Variants in FGFR1 observed in about 807,000 individuals in gnomAD.
The protein encoded by FGFR1 is fibroblast growth factor receptor 1.
In FGFR1, 18 loss-of-function variants were observed where a neutral mutation model predicts 93.7. The observed-to-expected ratio is 0.19, with a 90% confidence interval of 0.13 to 0.28. The LOEUF (loss-of-function observed/expected upper bound fraction) is 0.28. FGFR1 is among the 10% of genes least tolerant of loss of function. The pLI is 1.00. For synonymous variants in FGFR1, 448 were observed against 429.3 expected (o/e 1.04, Z -0.54); for missense variants, 731 against 1,080.4 (o/e 0.68, Z 4.53).
At chr8:38,463,897 T>C (rs1295197847) in intron 1 of FGFR1, among the ~76,000 whole-genome samples, 1 of 151,980 alleles carries the variant, frequency 6.6e-6, no homozygotes, top group Non-Finnish European at 1.5e-5. Context: ...AATAAACATA[T>C]GGAGAAAGTT....
intron 8 of FGFR1, chr8:38,420,105 G>A (rs1686674354): frequency 3.4e-6 from 1 of 298,374 alleles, no homozygotes. Flanking sequence ...GTCTCCTCAG[G>A]GAGCCATGGC....
chr8:38,439,595 G>A (rs773284953), intron 2 of FGFR1, among the ~76,000 whole-genome samples: 2 of 152,154 alleles, frequency 1.3e-5, no homozygotes, highest in Non-Finnish European at 2.9e-5. Flanking sequence ...CAGCTGGTCT[G>A]GAGCCTCTCA....
Position 38,421,912 on chromosome 8 carries a change from C to G in FGFR1, c.966G>C (p.Glu322Asp). Residue 322 changes from glutamate to aspartate, a missense_variant, in exon 8 of 18, where the codon GAG becomes GAC. Coordinates refer to ENST00000447712, the MANE Select transcript of FGFR1 (RefSeq NM_023110.3). ...CATTTCTTAAGTGAAGCACCTCCAT[C>G]TCTTTGTCGGTGGTATTAACTCCAG... ...KTAGVNTTDK[E>D]MEVLHLRNVS... is the part of the protein sequence containing the mutation. 3 of 1,614,176 alleles carry G rather than the reference C, an allele frequency of 1.9e-6. No individual in the cohort carries two copies. Among genetic ancestry groups the G allele is most frequent in the Non-Finnish European group, 2.5e-6 (3 of 1,180,030 alleles).
At chr8:38,449,395 G>GA (rs926379024) in intron 2 of FGFR1, among the ~76,000 whole-genome samples, 3 of 151,878 alleles carry the variant, frequency 2.0e-5, no homozygotes, top group Non-Finnish European at 2.9e-5. Flanking sequence ...ATGAATGAGT[G>GA]AAAAAAAATC....
intron 2 of FGFR1, among the ~76,000 whole-genome samples, chr8:38,437,291 A>G (rs1825781659): frequency 6.6e-6 from 1 of 152,152 alleles, no homozygotes; most frequent in Admixed American, 6.5e-5. Flanking sequence ...CATAGCTACC[A>G]TTAGGTGACT....
intron 9 of FGFR1, among the ~76,000 whole-genome samples, chr8:38,419,033 C>T (rs1426688101): frequency 6.6e-6 from 1 of 152,214 alleles, no homozygotes; most frequent in South Asian, 2.1e-4. Flanking sequence ...AAGCTCTCTT[C>T]TCGTCTGCCG....
Position 38,426,274 on chromosome 8 carries a change from GAGGGT to G in FGFR1, c.622-34_622-30del. 6.2e-7 allele frequency: 1 copy of G among 1,613,470 alleles called. No individual in the cohort carries two copies. The highest frequency in any genetic ancestry group is 1.7e-5 in the Admixed American group (1 of 60,024). On this transcript the variant is annotated intron_variant, in intron 5 of 17. Coordinates refer to ENST00000447712, the MANE Select transcript of FGFR1 (RefSeq NM_023110.3). The surrounding 1 kb of genome is among the most constrained non-coding windows in gnomAD (Gnocchi z 4.1). ...AGGGGAAATGCCAAAGGGATACATT[GAGGGT>G]CCAGAGGAAAATGCAGGCCCCATGA...
intron 2 of FGFR1, chr8:38,434,326 CTGCTTTTTTTT>C (rs1312459750): frequency 1.6e-5 from 3 of 185,128 alleles, no homozygotes; most frequent in East Asian, 2.8e-4. Context: ...CATATTGCTG[CTGCTTTTTTTT>C]TTTTTTTTTA....
intron 15 of FGFR1, 73 bp downstream of exon 15, chr8:38,414,486 G>C (rs189541149): frequency 8.3e-6 from 13 of 1,570,786 alleles, no homozygotes; most frequent in Non-Finnish European, 1.1e-5. Context: ...TCAGTCCAGG[G>C]AGAAAGCAGG....
chr8:38,413,941 T>G lies in FGFR1; in HGVS notation c.2269A>C (p.Ile757Leu), dbSNP rs2150519694. ...FKQLVEDLDRIVALTSNQEYL... is the reference protein window; with the variant it reads ...FKQLVEDLDRLVALTSNQEYL... ...ACCTGGTTGGAGGTCAAGGCCACGA[T>G]GCGGTCCAGGTCTTCCACCAGCTGC... Residue 757 changes from isoleucine to leucine, a missense_variant, in exon 17 of 18, where the codon ATC becomes CTC. Physicochemically the swap from Ile to Leu is conservative, Grantham distance 5. Transcript: ENST00000447712. The surrounding 1 kb of genome is among the most constrained non-coding windows in gnomAD (Gnocchi z 4.2). 1 of 1,614,056 alleles carries G rather than the reference T, an allele frequency of 6.2e-7. No homozygotes were observed. Among genetic ancestry groups the G allele is most frequent in the African/African-American group, 1.3e-5 (1 of 75,028 alleles).
At chr8:38,416,280 G>C (rs189537863) in intron 12 of FGFR1, among the ~76,000 whole-genome samples, 43 of 152,152 alleles carry the variant, frequency 2.8e-4, no homozygotes, top group Admixed American at 2.3e-3. Context: ...TGGGGTAAGA[G>C]CCCCAGTTTG....
intron 2 of FGFR1, among the ~76,000 whole-genome samples, chr8:38,450,264 C>T (rs1354804965): frequency 1.3e-5 from 2 of 152,170 alleles, no homozygotes; most frequent in Non-Finnish European, 2.9e-5. Flanking sequence ...TGGGCCGCCC[C>T]GTTCAGGAGC....
In FGFR1 at chr8:38,428,012, T is replaced by C. The variant is rs2150914780; in HGVS notation, c.530A>G (p.Lys177Arg). ...AVPAAKTVKFKCPSSGTPNPT... is the reference protein window; with the variant it reads ...AVPAAKTVKFRCPSSGTPNPT... Reference sequence around the variant, plus strand: ...GTTTGGGGTCCCACTGGAAGGGCATTTGAACTTCACTGTCTTGGCAGCCGG... The same window carrying C: ...GTTTGGGGTCCCACTGGAAGGGCATCTGAACTTCACTGTCTTGGCAGCCGG... The change falls in exon 5 of 18, where the codon AAA (lysine) becomes AGA (arginine). Residue 177 changes from lysine to arginine, a missense_variant. Coordinates refer to ENST00000447712, the MANE Select transcript of FGFR1 (RefSeq NM_023110.3). 1 of 1,614,236 alleles carries C rather than the reference T, an allele frequency of 6.2e-7. No individual in the cohort carries two copies. Among genetic ancestry groups the C allele is most frequent in the Non-Finnish European group, 8.5e-7 (1 of 1,180,042 alleles).
intron 1 of FGFR1, among the ~76,000 whole-genome samples, chr8:38,458,306 T>A (rs1052274409): frequency 6.6e-6 from 1 of 152,048 alleles, no homozygotes; most frequent in African/African-American, 2.4e-5. Flanking sequence ...TTCGGGAGGC[T>A]AAGGTGGGCA....
At chr8:38,449,386 T>C (rs1830373875) in intron 2 of FGFR1, among the ~76,000 whole-genome samples, 1 of 152,018 alleles carries the variant, frequency 6.6e-6, no homozygotes. Flanking sequence ...AATGAATAAA[T>C]GAATGAGTGA....
intron 7 of FGFR1, chr8:38,423,916 C>T: frequency 1.1e-5 from 2 of 177,516 alleles, no homozygotes; most frequent in South Asian, 2.6e-4. Context: ...CTGGTTCCTT[C>T]CTGTTGCGAG....
intron 2 of FGFR1, among the ~76,000 whole-genome samples, chr8:38,448,875 C>T (rs934156159): frequency 6.6e-6 from 1 of 152,066 alleles, no homozygotes; most frequent in Non-Finnish European, 1.5e-5. Flanking sequence ...GAATCGCTAG[C>T]ACCTGGGAGG....
intron 1 of FGFR1, among the ~76,000 whole-genome samples, chr8:38,460,775 C>A (rs981319425): frequency 5.9e-5 from 9 of 152,216 alleles, no homozygotes; most frequent in African/African-American, 2.2e-4. Context: ...CACAGTGACA[C>A]AGGCCACTAG....
rs755828990 is a variant in FGFR1, at chr8:38,429,766, C to T, written c.274G>A (p.Val92Met). The T allele has an allele frequency of 3.9e-5, 62 of 1,606,034 alleles. No individual in the cohort carries two copies. The East Asian group carries it at 5.2e-4, about 13-fold the overall frequency. The change falls in exon 3 of 18, where the codon GTG becomes ATG. Residue 92 changes from valine (V) to methionine (M), a missense_variant. Coordinates refer to ENST00000447712, the MANE Select transcript of FGFR1 (RefSeq NM_023110.3). This position sits in a 1 kb window ranked among gnomAD's most constrained non-coding sequence, Gnocchi z 4.4. ...TGEEVEVQDS[V>M]PADSGLYACV... ...GCATAGAGGCCGGAGTCTGCGGGCA[C>T]GGAGTCCTGCACCTCCACCTCCTCC... is the stretch of plus-strand genomic sequence containing the variant.
Sources: allele counts gnomAD v4.1 joint callset (sites outside exome capture counted in the v4.1 genomes callset), GRCh38; gene constraint gnomAD v4.1.1; non-coding constraint Gnocchi (gnomAD v3.1); transcripts MANE v1.5; gene names NCBI Gene and HGNC (gene_info 2026-07-23, HGNC 2026-07-21).